ZCCHC7: variants seen among roughly 807,000 people sequenced by gnomAD.
The protein encoded by ZCCHC7 is zinc finger CCHC-type containing 7.
Under a neutral mutation model 52.0 loss-of-function variants are expected in ZCCHC7, and 35 were observed. The ratio of observed to expected loss-of-function variants is 0.67; its 90% CI spans 0.51 to 0.89. The LOEUF (loss-of-function observed/expected upper bound fraction) is 0.89, where lower values mean the gene tolerates loss of function less well. Ranked by LOEUF, ZCCHC7 falls within the 40% of genes least tolerant of loss-of-function variation. The probability of loss-of-function intolerance (pLI) is 0.00; values close to 1 mark genes in which losing one functional copy is unlikely to be tolerated. For synonymous variants in ZCCHC7, 217 were observed against 221.5 expected (o/e 0.98, Z 0.18); for missense variants, 574 against 649.1 (o/e 0.88, Z 1.26).
chr9:37,130,398 A>C (rs1335738721), intron 2 of ZCCHC7, among the ~76,000 whole-genome samples: 2 of 130,742 alleles, frequency 1.5e-5, no homozygotes, highest in Non-Finnish European at 3.1e-5. Flanking sequence ...AAATAGAGCA[A>C]GGCTAGTTTG....
At chr9:37,220,136 T>A (rs934967584) in intron 2 of ZCCHC7, among the ~76,000 whole-genome samples, 1 of 152,226 alleles carries the variant, frequency 6.6e-6, no homozygotes, top group Non-Finnish European at 1.5e-5. Flanking sequence ...ACAGCTGTTG[T>A]TCAGTACTAT....
At chr9:37,214,522 G>T (rs1406573517) in intron 2 of ZCCHC7, among the ~76,000 whole-genome samples, 1 of 151,872 alleles carries the variant, frequency 6.6e-6, no homozygotes, top group Non-Finnish European at 1.5e-5. Flanking sequence ...TGATTTTTGA[G>T]CTATGTTTCT....
chr9:37,143,792 C>T (rs984947945), intron 2 of ZCCHC7, among the ~76,000 whole-genome samples: 16 of 151,456 alleles, frequency 1.1e-4, no homozygotes, highest in African/African-American at 2.7e-4. Context: ...TGCCTCGAGG[C>T]TGATTGCTAA....
intron 2 of ZCCHC7, among the ~76,000 whole-genome samples, chr9:37,165,847 A>G (rs1821389542): frequency 6.6e-6 from 1 of 152,240 alleles, no homozygotes; most frequent in Admixed American, 6.5e-5. Flanking sequence ...ACTCATCAGA[A>G]TCATCTGTTT....
Position 37,304,283 on chromosome 9 carries a change from T to C in ZCCHC7, c.750T>C (p.Gly250=), listed in dbSNP as rs34242363. The C allele has an allele frequency of 0.01, 16,185 of 1,613,756 alleles. 1,215 individuals carry two copies. The African/African-American group carries it at 0.18, about 18-fold the overall frequency. ...NIICRNCDKR[G]HLSKNCPLPR... ...TCTGTAGAAATTGTGACAAACGTGG[T>C]CATTTATCAAAAAACTGCCCCTTAC... is the stretch of plus-strand genomic sequence containing the variant. The change falls in exon 4 of 9, where the codon GGT becomes GGC. Residue 250 remains glycine (G), a synonymous_variant. Transcript: ENST00000336755.
chr9:37,353,525 A>C (rs905457053), intron 7 of ZCCHC7, among the ~76,000 whole-genome samples: 4 of 152,238 alleles, frequency 2.6e-5, no homozygotes, highest in Non-Finnish European at 4.4e-5. Context: ...TAACTTCTGG[A>C]AAGGGAAGGA....
chr9:37,153,565 C>T (rs113407431), intron 2 of ZCCHC7, among the ~76,000 whole-genome samples: 9 of 151,706 alleles, frequency 5.9e-5, no homozygotes, highest in African/African-American at 1.7e-4. Context: ...TCTCCTGCCT[C>T]GGCCTCCCAA....
intron 2 of ZCCHC7, among the ~76,000 whole-genome samples, chr9:37,249,600 T>C (rs1318795010): frequency 2.0e-5 from 3 of 151,772 alleles, no homozygotes; most frequent in East Asian, 1.9e-4. Flanking sequence ...TACGGGTGCG[T>C]GCCACCACAC....
At chr9:37,326,880 A>G (rs1336556964) in intron 5 of ZCCHC7, 1 of 152,092 alleles carries the variant, frequency 6.6e-6, no homozygotes, top group African/African-American at 2.4e-5. Context: ...TTCGCTTTTA[A>G]GAATCACCAT....
Position 37,126,475 on chromosome 9 carries a change from T to C in ZCCHC7, c.143T>C (p.Val48Ala). 4.3e-6 allele frequency: 7 copies of C among 1,613,708 alleles called. No individual in the cohort carries two copies. The highest frequency in any genetic ancestry group is 5.9e-6 in the Non-Finnish European group (7 of 1,180,026). Residue 48 changes from valine (V) to alanine (A), a missense_variant, in exon 2 of 9, where the codon GTC becomes GCC. By Grantham distance (64) the Val-to-Ala change is moderately conservative (BLOSUM62 0). Transcript: ENST00000336755. ...CATTATGCCCAAGATCTTGATGATG[T>C]CATCAGGGAGGAAGAGCATGAAGAA... is the stretch of plus-strand genomic sequence containing the variant. ...QIHYAQDLDDVIREEEHEEKN... is the reference protein window; with the variant it reads ...QIHYAQDLDDAIREEEHEEKN...
rs140974537 is a variant in ZCCHC7, at chr9:37,126,517, C to A, written c.185C>A (p.Ser62Ter). The stretch of plus-strand genomic sequence containing the variant: ...CATGAAGAAAAGAACTCTGGGAATT[C>A]GGAATCTTCGAGTAGTAAACCAAAT... ...EEHEEKNSGN[S>*]ESSSSKPNQK... The change falls in exon 2 of 9, where the codon TCG (serine) becomes TAG (stop). Residue 62 changes from serine (S) to a stop codon, truncating the protein, a stop_gained. Coordinates refer to ENST00000336755, the MANE Select transcript of ZCCHC7 (RefSeq NM_032226.3). LOFTEE classifies it high-confidence loss of function. The A allele has an allele frequency of 6.2e-7, 1 of 1,613,642 alleles. No homozygotes were observed. The highest frequency in any genetic ancestry group is 8.5e-7 in the Non-Finnish European group (1 of 1,180,024).
intron 5 of ZCCHC7, among the ~76,000 whole-genome samples, chr9:37,316,932 A>G (rs1829849668): frequency 6.6e-6 from 1 of 151,156 alleles, no homozygotes; most frequent in African/African-American, 2.4e-5. Flanking sequence ...GAATTGGTAG[A>G]TCAAAAAAAA....
In ZCCHC7 at chr9:37,347,342, C is replaced by G. The variant is rs575871616; in HGVS notation, c.988-2015C>G. ...CTTCATGCTTCTCAATATATAACTT[C>G]TCTCTCCTACAACTTCCATTCAATT... is the stretch of plus-strand genomic sequence containing the variant. On this transcript the variant is annotated intron_variant, in intron 6 of 8. Coordinates refer to ENST00000336755, the MANE Select transcript of ZCCHC7 (RefSeq NM_032226.3). Among the ~76,000 whole-genome samples, 55 of 152,306 alleles carry G rather than the reference C, an allele frequency of 3.6e-4. No individual in the cohort carries two copies. In the South Asian group the frequency reaches 0.011, roughly 32 times the overall value.
intron 2 of ZCCHC7, among the ~76,000 whole-genome samples, chr9:37,217,148 C>T (rs1053947866): frequency 3.3e-5 from 5 of 152,018 alleles, no homozygotes; most frequent in African/African-American, 1.2e-4. Flanking sequence ...TAGAATCCTT[C>T]AGTGAAAACA....
chr9:37,240,361 G>A (rs1588535206), intron 2 of ZCCHC7, among the ~76,000 whole-genome samples: 1 of 151,828 alleles, frequency 6.6e-6, no homozygotes, highest in East Asian at 1.9e-4. Context: ...GTGCCATTAA[G>A]TATTGTTAGA....
intron 2 of ZCCHC7, among the ~76,000 whole-genome samples, chr9:37,256,679 C>T (rs993254876): frequency 6.6e-6 from 1 of 152,050 alleles, no homozygotes; most frequent in Non-Finnish European, 1.5e-5. Flanking sequence ...CTCGGTGAAC[C>T]AGTATTTTCC....
intron 2 of ZCCHC7, among the ~76,000 whole-genome samples, chr9:37,281,985 C>T (rs1214212422): frequency 6.6e-6 from 1 of 152,142 alleles, no homozygotes; most frequent in African/African-American, 2.4e-5. Flanking sequence ...TTCCTAAGGT[C>T]CCAGAGTTCA....
intron 2 of ZCCHC7, among the ~76,000 whole-genome samples, chr9:37,174,010 T>TA (rs1821880568): frequency 6.6e-6 from 1 of 152,188 alleles, no homozygotes; most frequent in Non-Finnish European, 1.5e-5. Context: ...GTAGAATTAT[T>TA]ACAAAAATTC....
intron 2 of ZCCHC7, among the ~76,000 whole-genome samples, chr9:37,238,603 A>C (rs988340797): frequency 1.3e-5 from 2 of 152,188 alleles, no homozygotes; most frequent in African/African-American, 4.8e-5. Flanking sequence ...TTTTTTAAAA[A>C]ATGGCCTTTA....
Sources: gnomAD v4.1 joint callset for allele counts (sites outside exome capture counted in the v4.1 genomes callset) on GRCh38, gnomAD v4.1.1 for gene constraint, MANE v1.5 for transcripts, NCBI Gene and HGNC (gene_info 2026-07-23, HGNC 2026-07-21) for gene names.